Variants in GRM5 observed in about 807,000 individuals in gnomAD.
GRM5 encodes metabotropic glutamate receptor 5.
A neutral mutation model predicts 83.1 loss-of-function variants in GRM5; 19 were observed. The ratio of observed to expected loss-of-function variants is 0.23; its 90% CI spans 0.16 to 0.34. The LOEUF (loss-of-function observed/expected upper bound fraction) is 0.34. Among genes scored for constraint, GRM5 ranks in the 10% least tolerant of loss-of-function variants. The pLI, the probability that GRM5 is intolerant of heterozygous loss-of-function variation, is 1.00. For synonymous variants in GRM5, 675 were observed against 633.6 expected, an observed-to-expected ratio of 1.07 and a Z score of -0.98; for missense variants, 1,160 against 1,588.3, an observed-to-expected ratio of 0.73 and a Z score of 4.58.
Position 89,017,905 on chromosome 11 carries a change from T to C in GRM5, c.661+29307A>G, listed in dbSNP as rs527489223. Among the ~76,000 whole-genome samples the C allele has an allele frequency of 6.6e-5, 10 of 152,236 alleles. No individual in the cohort carries two copies. In the South Asian group the frequency reaches 2.1e-3, roughly 32 times the overall value. On this transcript the variant is annotated intron_variant, in intron 2 of 9. Transcript: ENST00000305447. ...AAGTCTAGGTCAATATGCCCATCACTAGCACTTTGTTTTTACTTCTTACCA... is the reference window on the plus strand; with the variant it reads ...AAGTCTAGGTCAATATGCCCATCACCAGCACTTTGTTTTTACTTCTTACCA...
chr11:88,782,379 C>A (rs139128615), intron 3 of GRM5, among the ~76,000 whole-genome samples: 23 of 151,964 alleles, frequency 1.5e-4, no homozygotes, highest in African/African-American at 4.8e-4. Flanking sequence ...TGACAGCAGG[C>A]GAAAAGAGAG....
At chr11:88,602,146 G>A (rs975286738) in intron 5 of GRM5, among the ~76,000 whole-genome samples, 2 of 152,056 alleles carry the variant, frequency 1.3e-5, no homozygotes, top group Admixed American at 1.3e-4. Context: ...GGGATGAAAT[G>A]TGACTGGAAC....
intron 2 of GRM5, chr11:89,009,215 A>C (rs1170500206): frequency 3.4e-6 from 2 of 588,402 alleles, no homozygotes; most frequent in Non-Finnish European, 6.1e-6. Context: ...ACATATTAGC[A>C]TACCAAGATG....
intron 2 of GRM5, among the ~76,000 whole-genome samples, chr11:89,020,014 G>T (rs1591053445): frequency 6.6e-6 from 1 of 152,170 alleles, no homozygotes; most frequent in Non-Finnish European, 1.5e-5. Flanking sequence ...CAAAATCTGG[G>T]CAGGGACAGG....
chr11:88,903,550 G>T (rs138727331), intron 2 of GRM5, among the ~76,000 whole-genome samples: 1 of 152,126 alleles, frequency 6.6e-6, no homozygotes, highest in Non-Finnish European at 1.5e-5. Flanking sequence ...TATACACAAT[G>T]GAATACTATT....
intron 3 of GRM5, among the ~76,000 whole-genome samples, chr11:88,721,661 A>G (rs1056880804): frequency 1.3e-5 from 2 of 152,136 alleles, no homozygotes; most frequent in African/African-American, 2.4e-5. Context: ...CCATTTGGGT[A>G]AGTCTCCATC....
chr11:89,012,582 C>A (rs1261891656), intron 2 of GRM5, among the ~76,000 whole-genome samples: 6 of 152,246 alleles, frequency 3.9e-5, no homozygotes, highest in Admixed American at 1.3e-4. Flanking sequence ...TCTTTAGGAT[C>A]AAATCCACTA....
chr11:88,782,614 T>C (rs181141168), intron 3 of GRM5, among the ~76,000 whole-genome samples: 8 of 152,258 alleles, frequency 5.3e-5, no homozygotes, highest in East Asian at 1.9e-4. Flanking sequence ...TAAACTTCCA[T>C]ATCACCTTAT....
intron 2 of GRM5, among the ~76,000 whole-genome samples, chr11:88,857,103 A>C (rs1375785143): frequency 2.0e-5 from 3 of 152,078 alleles, no homozygotes; most frequent in Non-Finnish European, 4.4e-5. Context: ...TCCTGAAATA[A>C]AAATGAAATT....
chr11:88,614,243 T>A lies in GRM5; in HGVS notation c.1148-9279A>T, dbSNP rs76854151. On this transcript the variant is annotated intron_variant, in intron 4 of 9. Coordinates refer to ENST00000305447, the MANE Select transcript of GRM5 (RefSeq NM_001143831.3). ...CTGTGGCTTGGACAGGTTACTTCAA[T>A]TACTTAACATTCAGTTTAATCATCT... Among the ~76,000 whole-genome samples the A allele has an allele frequency of 3.3e-3, 509 of 152,226 alleles. 2 individuals are homozygous for A. Among genetic ancestry groups the A allele is most frequent in the African/African-American group, 0.011 (471 of 41,520 alleles).
chr11:88,982,854 G>A (rs1170148846), intron 2 of GRM5, among the ~76,000 whole-genome samples: 1 of 152,076 alleles, frequency 6.6e-6, no homozygotes, highest in Admixed American at 6.5e-5. Flanking sequence ...ATCTCCTGAG[G>A]TCAGAAGTTT....
At chr11:88,809,085 CT>C (rs1378225258) in intron 3 of GRM5, among the ~76,000 whole-genome samples, 1 of 151,828 alleles carries the variant, frequency 6.6e-6, no homozygotes, top group South Asian at 2.1e-4. Context: ...CATTTTATTT[CT>C]TTTTTAATTC....
chr11:88,996,318 A>G (rs537141353), intron 2 of GRM5, among the ~76,000 whole-genome samples: 101 of 152,368 alleles, frequency 6.6e-4, no homozygotes, highest in Middle Eastern at 3.4e-3. Flanking sequence ...ACTTCTGAAG[A>G]GAAGAAATGG....
intron 3 of GRM5, among the ~76,000 whole-genome samples, chr11:88,784,516 A>G (rs1253301261): frequency 6.6e-6 from 1 of 151,916 alleles, no homozygotes; most frequent in Non-Finnish European, 1.5e-5. Flanking sequence ...AAGGAATAAA[A>G]TAAGGCTCAC....
At chr11:88,950,508 T>C (rs1193674533) in intron 2 of GRM5, among the ~76,000 whole-genome samples, 2 of 151,746 alleles carry the variant, frequency 1.3e-5, no homozygotes, top group African/African-American at 2.4e-5. Flanking sequence ...AAAATGTTAA[T>C]GATAAGAATA....
chr11:88,881,623 G>A (rs923428510), intron 2 of GRM5, among the ~76,000 whole-genome samples: 1 of 152,144 alleles, frequency 6.6e-6, no homozygotes, highest in Admixed American at 6.5e-5. Context: ...AATGGAGACT[G>A]TAGTAACAAA....
intron 2 of GRM5, among the ~76,000 whole-genome samples, chr11:88,865,997 G>A (rs1213150643): frequency 2.0e-5 from 3 of 152,092 alleles, no homozygotes; most frequent in African/African-American, 4.8e-5. Context: ...AAGACAGTGT[G>A]GCGATTCCTC....
chr11:88,938,205 A>T (rs1405309274), intron 2 of GRM5, among the ~76,000 whole-genome samples: 11 of 151,770 alleles, frequency 7.2e-5, no homozygotes, highest in Admixed American at 7.2e-4. Flanking sequence ...ATGTCAAGAA[A>T]GCTGGGAGGA....
intron 2 of GRM5, among the ~76,000 whole-genome samples, chr11:88,941,014 A>T (rs11820775): frequency 0.015 from 2,289 of 152,062 alleles, 52 homozygotes; most frequent in African/African-American, 0.053. Flanking sequence ...CCAAAGCACA[A>T]TGAAACAACC....
Sources: allele counts gnomAD v4.1 joint callset (sites outside exome capture counted in the v4.1 genomes callset), GRCh38; gene constraint gnomAD v4.1.1; transcripts MANE v1.5; gene names NCBI Gene and HGNC (gene_info 2026-07-23, HGNC 2026-07-21).